Variants in NEBL observed in about 807,000 individuals in gnomAD.
The protein encoded by NEBL is LIM and SH3 protein 2.
NEBL carries 122 observed loss-of-function variants against 140.2 expected under a neutral mutation model. The ratio of observed to expected loss-of-function variants is 0.87; its 90% CI spans 0.75 to 1.01. The LOEUF is 1.01. NEBL is among the 50% of genes least tolerant of loss of function. NEBL has a pLI of 0.00. For missense variants in NEBL, 1,365 were observed against 1,231.3 expected, an observed-to-expected ratio of 1.11 and a Z score of -1.62; for synonymous variants, 436 against 398.9, an observed-to-expected ratio of 1.09 and a Z score of -1.11.
intron 2 of NEBL, among the ~76,000 whole-genome samples, chr10:21,051,843 T>A (rs79005415): frequency 0.018 from 2,797 of 152,276 alleles, 51 homozygotes; most frequent in Non-Finnish European, 0.026. Context: ...AACTCAATGA[T>A]CACATTTGTT....
intron 3 of NEBL, among the ~76,000 whole-genome samples, chr10:21,234,563 C>G (rs1842323361): frequency 6.6e-6 from 1 of 152,164 alleles, no homozygotes; most frequent in Admixed American, 6.5e-5. Context: ...TACCCAGTCT[C>G]AGGTGTTCCT....
intron 3 of NEBL, among the ~76,000 whole-genome samples, chr10:20,970,787 G>GA (rs1489988924): frequency 6.6e-6 from 1 of 152,132 alleles, no homozygotes; most frequent in African/African-American, 2.4e-5. Flanking sequence ...AGAAGTCATG[G>GA]AGCTGATGGA....
intron 3 of NEBL, among the ~76,000 whole-genome samples, chr10:20,978,965 C>T (rs1026337066): frequency 5.9e-5 from 9 of 152,014 alleles, no homozygotes; most frequent in South Asian, 2.1e-4. Flanking sequence ...AGTCATATTA[C>T]GGCATCTTAG....
chr10:21,281,701 T>C (rs1842996317), intron 1 of NEBL, among the ~76,000 whole-genome samples: 2 of 152,108 alleles, frequency 1.3e-5, no homozygotes, highest in Non-Finnish European at 1.5e-5. Context: ...TAGTTTACTT[T>C]GGGGGTTCTG....
Position 21,217,326 on chromosome 10 carries a change from A to C in NEBL, n.348+30595T>G, listed in dbSNP as rs191864581. 1.6e-3 allele frequency among the ~76,000 whole-genome samples: 246 copies of C among 152,316 alleles called. 3 individuals are homozygous for C. The highest frequency in any genetic ancestry group is 5.5e-3 in the African/African-American group (228 of 41,572). Reference sequence around the variant, plus strand: ...CAAAACAATCATGAGCCCAAGTCACAAGGGACAGTGCTCCAAATTACAGGC... The same window carrying C: ...CAAAACAATCATGAGCCCAAGTCACCAGGGACAGTGCTCCAAATTACAGGC... On this transcript the variant is annotated intron_variant and non_coding_transcript_variant, in intron 3 of 8. Transcript: ENST00000675702.
chr10:20,862,756 A>C lies in NEBL; in HGVS notation c.685-2930T>G, dbSNP rs75251494. On this transcript the variant is annotated intron_variant, in intron 7 of 27. Transcript: ENST00000377122. The stretch of plus-strand genomic sequence containing the variant: ...TGCCATGGTTTTAAGACACAATGTT[A>C]CTCCTTATACCTACATAATTATTCT... 2.5e-3 allele frequency among the ~76,000 whole-genome samples: 380 copies of C among 152,232 alleles called. 15 individuals are homozygous for C. In the East Asian group the frequency reaches 0.056, roughly 22 times the overall value.
At position 21,016,851 on chromosome 10, in the gene NEBL, C is replaced by A. The variant is rs189394062; in HGVS notation, c.249+3266G>T. ...CTGAGTATTACCATTAGGATAGATA[C>A]CTACCCACGTTTTTGCAAAAATGGA... On this transcript the variant is annotated intron_variant, in intron 3 of 6. Coordinates refer to the NEBL transcript ENST00000417816. Among the ~76,000 whole-genome samples the A allele has an allele frequency of 5.3e-5, 8 of 152,282 alleles. No homozygotes were observed. In the South Asian group the frequency reaches 1.7e-3, roughly 32 times the overall value.
chr10:21,130,958 T>C (rs1839076175), intron 2 of NEBL, among the ~76,000 whole-genome samples: 1 of 151,768 alleles, frequency 6.6e-6, no homozygotes, highest in South Asian at 2.1e-4. Context: ...AACCAAAAAC[T>C]GGTCCTTTGA....
chr10:21,121,923 A>T (rs1838592497), intron 2 of NEBL, among the ~76,000 whole-genome samples: 1 of 152,200 alleles, frequency 6.6e-6, no homozygotes, highest in Admixed American at 6.5e-5. Context: ...TCAAAATTTG[A>T]TATACCAATA....
intron 4 of NEBL, among the ~76,000 whole-genome samples, chr10:20,882,910 T>C (rs1453053940): frequency 6.6e-6 from 1 of 152,114 alleles, no homozygotes; most frequent in Non-Finnish European, 1.5e-5. Context: ...CCCCAATCTA[T>C]CTCCCCCTAG....
intron 3 of NEBL, among the ~76,000 whole-genome samples, chr10:20,979,096 A>G (rs968047576): frequency 2.0e-5 from 3 of 152,188 alleles, no homozygotes; most frequent in Non-Finnish European, 4.4e-5. Context: ...TGGAGGATAA[A>G]TATAGAATAT....
chr10:21,093,748 T>A (rs924437443), intron 2 of NEBL, among the ~76,000 whole-genome samples: 1 of 152,226 alleles, frequency 6.6e-6, no homozygotes, highest in African/African-American at 2.4e-5. Context: ...AGGAGAACAA[T>A]ATTTTATCCT....
intron 26 of NEBL, among the ~76,000 whole-genome samples, chr10:20,802,797 C>T (rs559426948): frequency 3.7e-4 from 57 of 152,268 alleles, no homozygotes; most frequent in African/African-American, 1.3e-3. Context: ...CCAAGTACTT[C>T]ATTCATAAAG....
At chr10:21,248,075 G>A (rs982630385) in intron 2 of NEBL, 4 of 229,132 alleles carry the variant, frequency 1.7e-5, no homozygotes, top group Non-Finnish European at 3.0e-5. Context: ...CCCTTTAAAT[G>A]GGCAGCCTTT....
At chr10:21,288,094 C>T (rs1843083900) in intron 1 of NEBL, among the ~76,000 whole-genome samples, 1 of 152,166 alleles carries the variant, frequency 6.6e-6, no homozygotes, top group Non-Finnish European at 1.5e-5. Context: ...AGCCAAGTAC[C>T]TGGTACCTAG....
At chr10:20,837,433 G>T (rs1453557338) in intron 13 of NEBL, among the ~76,000 whole-genome samples, 1 of 152,186 alleles carries the variant, frequency 6.6e-6, no homozygotes, top group Non-Finnish European at 1.5e-5. Flanking sequence ...TGAAGGCTGA[G>T]AGAGGTGAAG....
At chr10:21,242,988 A>C (rs770860482) in intron 3 of NEBL, among the ~76,000 whole-genome samples, 1 of 152,156 alleles carries the variant, frequency 6.6e-6, no homozygotes, top group Non-Finnish European at 1.5e-5. Context: ...GGTTTTGGGT[A>C]AATAGTGTTT....
intron 1 of NEBL, among the ~76,000 whole-genome samples, chr10:21,258,978 T>C (rs758133702): frequency 2.6e-5 from 4 of 152,112 alleles, no homozygotes; most frequent in Non-Finnish European, 4.4e-5. Context: ...GATCCTATGA[T>C]TACCCCCATT....
chr10:20,847,144 A>ATACC (rs1207605872), intron 11 of NEBL, among the ~76,000 whole-genome samples: 1 of 152,174 alleles, frequency 6.6e-6, no homozygotes, highest in Non-Finnish European at 1.5e-5. Flanking sequence ...GATTCTCTTT[A>ATACC]TACCTACTTC....
Sources: allele counts gnomAD v4.1 joint callset (sites outside exome capture counted in the v4.1 genomes callset), GRCh38; gene constraint gnomAD v4.1.1; transcripts MANE v1.5; gene names NCBI Gene and HGNC (gene_info 2026-07-23, HGNC 2026-07-21).